CDH13: variants seen among roughly 807,000 people sequenced by gnomAD.
CDH13 encodes the protein cadherin-13.
Under a neutral mutation model 63.8 loss-of-function variants are expected in CDH13, and 24 were observed. The ratio of observed to expected loss-of-function variants is 0.38; its 90% confidence interval spans 0.27 to 0.53. CDH13 has a LOEUF of 0.53. CDH13 is among the 20% of genes least tolerant of loss of function. The probability of loss-of-function intolerance (pLI) is 0.85; values close to 1 mark genes in which losing one functional copy is unlikely to be tolerated. For synonymous variants in CDH13, 503 were observed against 355.3 expected, an observed-to-expected ratio of 1.42 and a Z score of -4.67; for missense variants, 1,049 against 903.1, an observed-to-expected ratio of 1.16 and a Z score of -2.07.
chr16:82,914,423 G>C (rs1047689752), intron 2 of CDH13, among the ~76,000 whole-genome samples: 2 of 152,108 alleles, frequency 1.3e-5, no homozygotes, highest in Non-Finnish European at 2.9e-5. Flanking sequence ...ATTTTCTATT[G>C]TCTCATGACT....
intron 1 of CDH13, among the ~76,000 whole-genome samples, chr16:82,628,808 C>CT (rs1420817850): frequency 1.3e-5 from 2 of 152,204 alleles, no homozygotes; most frequent in Admixed American, 1.3e-4. Context: ...ATGCCTCAGA[C>CT]AGAAAGGATT....
intron 7 of CDH13, among the ~76,000 whole-genome samples, chr16:83,513,122 A>G (rs77607480): frequency 0.046 from 6,942 of 152,276 alleles, 220 homozygotes; most frequent in South Asian, 0.12. Context: ...CTTCGAGCCT[A>G]TAATGCCTGC....
At chr16:83,647,616 A>C (rs139372350) in intron 8 of CDH13, among the ~76,000 whole-genome samples, 2 of 152,340 alleles carry the variant, frequency 1.3e-5, no homozygotes, top group African/African-American at 2.4e-5. Flanking sequence ...TTCCATTCAG[A>C]AATAGCTGTT....
At chr16:83,133,013 G>T (rs2036126980) in intron 4 of CDH13, among the ~76,000 whole-genome samples, 1 of 152,144 alleles carries the variant, frequency 6.6e-6, no homozygotes, top group South Asian at 2.1e-4. Flanking sequence ...AGGCTGCACT[G>T]TCCCATGGAA....
At chr16:82,832,251 C>A (rs376450902) in intron 1 of CDH13, among the ~76,000 whole-genome samples, 1 of 124,800 alleles carries the variant, frequency 8.0e-6, no homozygotes, top group Non-Finnish European at 1.7e-5. Flanking sequence ...CTGTTTAATA[C>A]TTTATAAATG....
At chr16:83,601,611 C>G (rs1414005335) in intron 7 of CDH13, among the ~76,000 whole-genome samples, 2 of 152,150 alleles carry the variant, frequency 1.3e-5, no homozygotes, top group African/African-American at 4.8e-5. Context: ...GCAAGTTGAG[C>G]TGCTTGTTGA....
chr16:82,993,681 T>C (rs1911898926), intron 2 of CDH13, among the ~76,000 whole-genome samples: 1 of 152,198 alleles, frequency 6.6e-6, no homozygotes, highest in African/African-American at 2.4e-5. Context: ...GGATGGGACT[T>C]AGCTGAACAC....
Position 83,079,128 on chromosome 16 carries a change from A to T in CDH13, c.367-46257A>T, listed in dbSNP as rs115750678. On this transcript the variant is annotated intron_variant, in intron 3 of 13. Coordinates refer to ENST00000567109, the MANE Select transcript of CDH13 (RefSeq NM_001257.5). Reference sequence around the variant, plus strand: ...TCATGCATTGAAGTTCACACTCCACATTCCCCAGGTAGTTGTTTATTATAT... The same window carrying T: ...TCATGCATTGAAGTTCACACTCCACTTTCCCCAGGTAGTTGTTTATTATAT... Among the ~76,000 whole-genome samples the T allele has an allele frequency of 2.6e-3, 402 of 152,172 alleles. 3 individuals carry two copies. The highest frequency in any genetic ancestry group is 9.2e-3 in the African/African-American group (382 of 41,520).
chr16:82,731,445 T>C (rs778620903), intron 1 of CDH13, among the ~76,000 whole-genome samples: 1 of 152,220 alleles, frequency 6.6e-6, no homozygotes, highest in South Asian at 2.1e-4. Flanking sequence ...ATGTGTTGAT[T>C]CTGGTAGCTG....
At chr16:83,051,570 C>T (rs1476716834) in intron 3 of CDH13, among the ~76,000 whole-genome samples, 3 of 152,176 alleles carry the variant, frequency 2.0e-5, no homozygotes, top group African/African-American at 7.2e-5. Context: ...ACAAGATTTG[C>T]AAATTCCATA....
intron 7 of CDH13, among the ~76,000 whole-genome samples, chr16:83,560,899 G>GCCCCC (rs138383978): frequency 6.7e-5 from 10 of 148,576 alleles, no homozygotes; most frequent in African/African-American, 2.0e-4. Flanking sequence ...CATAAGGTTG[G>GCCCCC]CCCCCCCCCC....
At chr16:82,791,444 G>A (rs758275914) in intron 1 of CDH13, among the ~76,000 whole-genome samples, 41 of 152,158 alleles carry the variant, frequency 2.7e-4, no homozygotes, top group Non-Finnish European at 4.3e-4. Context: ...GACAATGATC[G>A]GGATATAAAC....
At chr16:83,034,229 G>T (rs1381703952) in intron 3 of CDH13, among the ~76,000 whole-genome samples, 2 of 152,074 alleles carry the variant, frequency 1.3e-5, no homozygotes, top group Non-Finnish European at 2.9e-5. Context: ...CCTTCTCACT[G>T]CAATGCTTCT....
chr16:83,775,150 C>T (rs536606543), intron 11 of CDH13, among the ~76,000 whole-genome samples: 4 of 151,850 alleles, frequency 2.6e-5, no homozygotes, highest in South Asian at 4.2e-4. Context: ...CTGACACTCA[C>T]GGTGTCCATT....
intron 2 of CDH13, among the ~76,000 whole-genome samples, chr16:82,897,141 T>C (rs3859084): frequency 0.59 from 90,211 of 151,844 alleles, 27,643 homozygotes; most frequent in African/African-American, 0.64. Flanking sequence ...GAGCCAAAGT[T>C]GCCCATCAAA....
At position 83,544,579 on chromosome 16, in the gene CDH13, T is replaced by A. The variant is rs118147259; in HGVS notation, c.961-57875T>A. ...AATAGGCATTATGTCAGATGATTCATCCCAACATCACAAGAGGATATGGCA... is the reference window on the plus strand; with the variant it reads ...AATAGGCATTATGTCAGATGATTCAACCCAACATCACAAGAGGATATGGCA... On this transcript the variant is annotated intron_variant, in intron 7 of 13. Coordinates refer to ENST00000567109, the MANE Select transcript of CDH13 (RefSeq NM_001257.5). Among the ~76,000 whole-genome samples the A allele has an allele frequency of 4.5e-3, 678 of 152,266 alleles. 1 individual carries two copies. The highest frequency in any genetic ancestry group is 6.8e-3 in the Non-Finnish European group (463 of 68,016).
At chr16:83,625,108 C>T (rs1910169292) in intron 8 of CDH13, among the ~76,000 whole-genome samples, 1 of 152,088 alleles carries the variant, frequency 6.6e-6, no homozygotes, top group Non-Finnish European at 1.5e-5. Context: ...CATTTACCAG[C>T]ACAATACTGT....
In CDH13 at chr16:83,125,491, A is replaced by G. The variant is rs569194198; in HGVS notation, c.473A>G (p.Asp158Gly). 6.3e-7 allele frequency: 1 copy of G among 1,583,780 alleles called. No homozygotes were observed. The highest frequency in any genetic ancestry group is 8.7e-7 in the Non-Finnish European group (1 of 1,152,680). The change falls in exon 4 of 14, where the codon GAT becomes GGT. Residue 158 changes from aspartate (D) to glycine (G), a missense_variant. By Grantham distance (94) the Asp-to-Gly change is moderately conservative. Transcript: ENST00000567109. Reference sequence around the variant, plus strand: ...AATCAGAGACAGCCTTTCCCAAGAGATGTTGGCAAGGTAAGTCAGACAAAC... The same window carrying G: ...AATCAGAGACAGCCTTTCCCAAGAGGTGTTGGCAAGGTAAGTCAGACAAAC... Reference protein sequence around the residue: ...PENQRQPFPRDVGKVVDSDRP... With the variant: ...PENQRQPFPRGVGKVVDSDRP...
intron 8 of CDH13, among the ~76,000 whole-genome samples, chr16:83,614,745 T>A (rs1367996374): frequency 2.0e-5 from 3 of 152,176 alleles, no homozygotes; most frequent in Admixed American, 2.0e-4. Flanking sequence ...ATCTGGAGTA[T>A]CAGGAAAATA....
Sources: gnomAD v4.1 joint callset for allele counts (sites outside exome capture counted in the v4.1 genomes callset) on GRCh38, gnomAD v4.1.1 for gene constraint, MANE v1.5 for transcripts, NCBI Gene and HGNC (gene_info 2026-07-23, HGNC 2026-07-21) for gene names.